CDH13: variants seen among roughly 807,000 people sequenced by gnomAD.
CDH13 encodes cadherin-13.
In CDH13, 24 loss-of-function variants were observed where a neutral mutation model predicts 63.8. The ratio of observed to expected loss-of-function variants is 0.38; its 90% CI spans 0.27 to 0.53. The LOEUF (loss-of-function observed/expected upper bound fraction) is 0.53. Among genes scored for constraint, CDH13 ranks in the 20% least tolerant of loss-of-function variants. The pLI is 0.85. For synonymous variants in CDH13, 503 were observed against 355.3 expected, an observed-to-expected ratio of 1.42 and a Z score of -4.67; for missense variants, 1,049 against 903.1, an observed-to-expected ratio of 1.16 and a Z score of -2.07.
chr16:82,772,534 G>C (rs553535337), intron 1 of CDH13, among the ~76,000 whole-genome samples: 97 of 152,276 alleles, frequency 6.4e-4, no homozygotes, highest in Non-Finnish European at 7.2e-4. Flanking sequence ...GGTGGCCTGG[G>C]TATGAGACAT....
At chr16:83,535,021 G>C (rs1277046091) in intron 7 of CDH13, among the ~76,000 whole-genome samples, 1 of 152,194 alleles carries the variant, frequency 6.6e-6, no homozygotes, top group Non-Finnish European at 1.5e-5. Context: ...TATCTGCAGA[G>C]TTTCTTTTGC....
At chr16:83,159,943 G>C (rs905288872) in intron 4 of CDH13, among the ~76,000 whole-genome samples, 1 of 152,082 alleles carries the variant, frequency 6.6e-6, no homozygotes, top group East Asian at 1.9e-4. Flanking sequence ...GGGCATGGTG[G>C]TGCATACCTG....
chr16:83,407,213 A>G (rs1034599560), intron 6 of CDH13, among the ~76,000 whole-genome samples: 4 of 152,226 alleles, frequency 2.6e-5, no homozygotes, highest in South Asian at 4.1e-4. Context: ...AGCACATGCT[A>G]TTTGCATCCT....
chr16:83,371,068 C>G (rs931759003), intron 6 of CDH13, among the ~76,000 whole-genome samples: 2 of 152,184 alleles, frequency 1.3e-5, no homozygotes, highest in Non-Finnish European at 2.9e-5. Context: ...AAAAAGGGAA[C>G]ATTTTTACAC....
At chr16:83,549,328 A>G (rs1376142857) in intron 7 of CDH13, among the ~76,000 whole-genome samples, 1 of 152,204 alleles carries the variant, frequency 6.6e-6, no homozygotes, top group Non-Finnish European at 1.5e-5. Flanking sequence ...CAAAGCACCT[A>G]TTTGGAAGTA....
chr16:82,653,143 A>C (rs1013617291), intron 1 of CDH13, among the ~76,000 whole-genome samples: 2 of 152,056 alleles, frequency 1.3e-5, no homozygotes, highest in Non-Finnish European at 2.9e-5. Flanking sequence ...CCTTTGATAG[A>C]TACTTATTGA....
chr16:83,168,172 T>A (rs6565147), intron 4 of CDH13, among the ~76,000 whole-genome samples: 21,962 of 151,566 alleles, frequency 0.14, 2,444 homozygotes, highest in African/African-American at 0.3. Flanking sequence ...AAACCTGCAC[T>A]TGTACCCGCT....
chr16:83,015,427 A>T (rs1446598731), intron 2 of CDH13, among the ~76,000 whole-genome samples: 2 of 151,592 alleles, frequency 1.3e-5, no homozygotes. Context: ...AGAAAAAAAA[A>T]AGTGTCATTC....
At chr16:83,562,027 T>C (rs1301994657) in intron 7 of CDH13, among the ~76,000 whole-genome samples, 2 of 152,172 alleles carry the variant, frequency 1.3e-5, no homozygotes, top group Non-Finnish European at 2.9e-5. Flanking sequence ...GAGAAACCCA[T>C]GTCCAGAGAA....
At chr16:83,217,260 T>C in intron 4 of CDH13, 85 bp from the exon 5 acceptor site, 1 of 1,373,044 alleles carries the variant, frequency 7.3e-7, no homozygotes, top group Non-Finnish European at 1.0e-6. Flanking sequence ...CTGTGATTAG[T>C]GAATTGCTCA....
In CDH13 at chr16:82,760,698, G is replaced by C. The variant is rs1032818020; in HGVS notation, c.46-97664G>C. Among the ~76,000 whole-genome samples the C allele has an allele frequency of 4.6e-5, 7 of 152,128 alleles. No individual in the cohort carries two copies. In the South Asian group the frequency reaches 6.2e-4, roughly 13 times the overall value. On this transcript the variant is annotated intron_variant, in intron 1 of 13. Transcript: ENST00000567109. The stretch of plus-strand genomic sequence containing the variant: ...GCCGCGTAATATTTACAGAAACGAG[G>C]TTTATTTGGCTTACGGTTCTGCAGG...
At chr16:82,683,539 C>G (rs1914766010) in intron 1 of CDH13, among the ~76,000 whole-genome samples, 1 of 152,160 alleles carries the variant, frequency 6.6e-6, no homozygotes, top group Non-Finnish European at 1.5e-5. Context: ...AACAGCTAGA[C>G]CAAGGAGTCA....
At position 83,602,519 on chromosome 16, in the gene CDH13, A is replaced by T. The variant is rs1385688999; in HGVS notation, c.1026A>T (p.Gly342=). ...EAQDMAGLDV[G]LTGTATATIM... is the part of the protein sequence containing the mutation. ...AAGATATGGCTGGACTGGATGTTGG[A>T]TTAACAGGCACGGCCACAGCCACGA... The change falls in exon 8 of 14, where the codon GGA becomes GGT. Residue 342 remains glycine, a synonymous_variant. Coordinates refer to ENST00000567109, the MANE Select transcript of CDH13 (RefSeq NM_001257.5). 1.2e-6 allele frequency: 2 copies of T among 1,613,850 alleles called. No homozygotes were observed. Among genetic ancestry groups the T allele is most frequent in the African/African-American group, 2.7e-5 (2 of 74,926 alleles).
rs78854613 is a variant in CDH13 at position 82,925,314 on chromosome 16, C to T, written c.157+66841C>T. Among the ~76,000 whole-genome samples, 243 of 152,278 alleles carry T rather than the reference C, an allele frequency of 1.6e-3. 2 individuals carry two copies. The East Asian group carries it at 0.022, about 14-fold the overall frequency. ...GGTGTTTAAAGGGGAGCAGTTATGA[C>T]GTTGTTACTGCAGATAATTGCCAGT... On this transcript the variant is annotated intron_variant, in intron 2 of 13. Transcript: ENST00000567109.
At chr16:83,447,975 G>A (rs1439952180) in intron 6 of CDH13, among the ~76,000 whole-genome samples, 1 of 151,982 alleles carries the variant, frequency 6.6e-6, no homozygotes, top group Non-Finnish European at 1.5e-5. Flanking sequence ...GATTGCTCTG[G>A]GAGTTTTCAG....
chr16:83,129,715 A>G (rs1050893646), intron 4 of CDH13, among the ~76,000 whole-genome samples: 4 of 152,168 alleles, frequency 2.6e-5, no homozygotes, highest in East Asian at 1.9e-4. Flanking sequence ...CACTGACGCG[A>G]CAGCCTGCTG....
At chr16:83,545,302 T>C (rs1052995615) in intron 7 of CDH13, among the ~76,000 whole-genome samples, 1 of 152,174 alleles carries the variant, frequency 6.6e-6, no homozygotes, top group African/African-American at 2.4e-5. Flanking sequence ...CCGATGTTAA[T>C]GAAGAAGGAA....
chr16:83,674,252 A>C (rs902456828), intron 9 of CDH13, among the ~76,000 whole-genome samples: 1 of 152,214 alleles, frequency 6.6e-6, no homozygotes, highest in Non-Finnish European at 1.5e-5. Flanking sequence ...CAACAGTTCC[A>C]GGTGGCAGAG....
intron 1 of CDH13, among the ~76,000 whole-genome samples, chr16:82,842,102 A>ATATGTATG (rs1567590254): frequency 3.0e-5 from 1 of 32,804 alleles, no homozygotes; most frequent in Non-Finnish European, 6.1e-5. Flanking sequence ...ATATATATAT[A>ATATGTATG]TATATATATG....
Sources: allele counts gnomAD v4.1 joint callset (sites outside exome capture counted in the v4.1 genomes callset), GRCh38; gene constraint gnomAD v4.1.1; transcripts MANE v1.5; gene names NCBI Gene and HGNC (gene_info 2026-07-23, HGNC 2026-07-21).